OPRK1: variants seen among roughly 807,000 people sequenced by gnomAD.
The protein encoded by OPRK1 is opioid receptor kappa 1.
A neutral mutation model predicts 24.5 loss-of-function variants in OPRK1; 15 were observed. The ratio of observed to expected loss-of-function variants is 0.61; its 90% CI spans 0.41 to 0.94. The LOEUF (loss-of-function observed/expected upper bound fraction) is 0.94, where lower values mean the gene tolerates loss of function less well. Among genes scored for constraint, OPRK1 ranks in the 40% least tolerant of loss-of-function variants. The probability of loss-of-function intolerance (pLI) is 0.00; values close to 1 mark genes in which losing one functional copy is unlikely to be tolerated. For missense variants in OPRK1, 479 were observed against 507.3 expected (o/e 0.94, Z 0.54); for synonymous variants, 205 against 198.0 (o/e 1.04, Z -0.30).
At position 53,236,014 on chromosome 8, in the gene OPRK1, G is replaced by A. The variant is rs189864145; in HGVS notation, c.258-903C>T. 1.3e-4 allele frequency among the ~76,000 whole-genome samples: 20 copies of A among 152,290 alleles called. No individual in the cohort carries two copies. The East Asian group carries it at 3.9e-3, about 29-fold the overall frequency. ...ATAAATGTTCCAAACCATACCATCAGATTTTCAAAGGCCAAGAGCTGAAAT... is the reference window on the plus strand; with the variant it reads ...ATAAATGTTCCAAACCATACCATCAAATTTTCAAAGGCCAAGAGCTGAAAT... On this transcript the variant is annotated intron_variant, in intron 2 of 3. Transcript: ENST00000265572.
Position 53,234,769 on chromosome 8 carries a change from T to A in OPRK1, c.600A>T (p.Lys200Asn), listed in dbSNP as rs146159911. 1 of 1,609,322 alleles carries A rather than the reference T, an allele frequency of 6.2e-7. No individual in the cohort carries two copies. Among genetic ancestry groups the A allele is most frequent in the Non-Finnish European group, 8.5e-7 (1 of 1,175,878 alleles). Residue 200 changes from lysine to asparagine, a missense_variant, in exon 3 of 4, where the codon AAA becomes AAT. Coordinates refer to ENST00000265572, the MANE Select transcript of OPRK1 (RefSeq NM_000912.5). ...AATGACTGCTCTTACCTTCCCTGAC[T>A]TTGGTGCCTCCAAGGACTATTGCAG... is the stretch of plus-strand genomic sequence containing the variant. ...GISAIVLGGT[K>N]VREDVDVIEC...
At chr8:53,245,380 AG>A (rs1807205513) in intron 2 of OPRK1, among the ~76,000 whole-genome samples, 2 of 152,182 alleles carry the variant, frequency 1.3e-5, no homozygotes, top group African/African-American at 4.8e-5. Flanking sequence ...CCGAGGAGAG[AG>A]GCCTCGGGCC....
intron 2 of OPRK1, among the ~76,000 whole-genome samples, chr8:53,250,284 T>C (rs1295877701): frequency 6.6e-6 from 1 of 152,182 alleles, no homozygotes. Context: ...AGGTTTTGTT[T>C]CATAAGCCAA....
Position 53,228,532 on chromosome 8 carries a change from T to C in OPRK1, c.*765A>G, listed in dbSNP as rs200070768. 6.6e-6 allele frequency: 1 copy of C among 152,164 alleles called. No homozygotes were observed. Among genetic ancestry groups the C allele is most frequent in the Non-Finnish European group, 1.5e-5 (1 of 68,020 alleles). 9.4% of individuals were successfully genotyped at this position (152,164 alleles called of 1,614,324 possible). ...ACTATTATTTACAGAAGATACTATA[T>C]ATATATTTTCAGTGGTATTCACACC... On this transcript the variant is annotated 3_prime_UTR_variant, in exon 4 of 4. Coordinates refer to ENST00000265572, the MANE Select transcript of OPRK1 (RefSeq NM_000912.5).
Position 53,247,990 on chromosome 8 carries a change from C to CAAAAAA in OPRK1, c.257+2785_257+2790dup, listed in dbSNP as rs767911838. Among the ~76,000 whole-genome samples, 23 of 32,358 alleles carry CAAAAAA rather than the reference C, an allele frequency of 7.1e-4. 1 individual carries two copies. Among genetic ancestry groups the CAAAAAA allele is most frequent in the African/African-American group, 1.2e-3 (10 of 8,652 alleles). The allele number at this position is 32,358 out of a possible 152,430, so 21.2% of individuals were successfully genotyped here. Reference sequence around the variant, plus strand: ...TGGGCAATAGAGCCAGATTCTGTCTCAAAAAAAAAAAAAAAAAAAAAAAAA... The same window carrying CAAAAAA: ...TGGGCAATAGAGCCAGATTCTGTCTCAAAAAAAAAAAAAAAAAAAAAAAAAAAAAAA... On this transcript the variant is annotated intron_variant, in intron 2 of 3. Transcript: ENST00000265572.
At chr8:53,247,990 CAAAAAAAAAAAAAAAAA>C (rs767911838) in intron 2 of OPRK1, among the ~76,000 whole-genome samples, 4 of 32,344 alleles carry the variant, frequency 1.2e-4, no homozygotes, top group African/African-American at 3.5e-4. Flanking sequence ...GATTCTGTCT[CAAAAAAAAAAAAAAAAA>C]AAAAAAAAAA....
chr8:53,234,535 T>C (rs1806939104), intron 3 of OPRK1, among the ~76,000 whole-genome samples: 1 of 152,158 alleles, frequency 6.6e-6, no homozygotes, highest in Non-Finnish European at 1.5e-5. Flanking sequence ...GGGAGACAGG[T>C]CGGGCATCTC....
At chr8:53,238,317 A>G (rs1048966334) in intron 2 of OPRK1, among the ~76,000 whole-genome samples, 5 of 152,246 alleles carry the variant, frequency 3.3e-5, no homozygotes, top group Non-Finnish European at 7.3e-5. Flanking sequence ...CTGGGTGGGA[A>G]GTTCTGGCTT....
Position 53,234,747 on chromosome 8 carries a change from G to A in OPRK1, c.610+12C>T, listed in dbSNP as rs778185714. Reference sequence around the variant, plus strand: ...TACATTTTTATGAACAGAATGAAATGACTGCTCTTACCTTCCCTGACTTTG... The same window carrying A: ...TACATTTTTATGAACAGAATGAAATAACTGCTCTTACCTTCCCTGACTTTG... On this transcript the variant is annotated intron_variant, in intron 3 of 3. Coordinates refer to ENST00000265572, the MANE Select transcript of OPRK1 (RefSeq NM_000912.5). The A allele has an allele frequency of 1.9e-6, 3 of 1,594,856 alleles. No individual in the cohort carries two copies. The highest frequency in any genetic ancestry group is 2.6e-6 in the Non-Finnish European group (3 of 1,164,198).
At chr8:53,238,511 G>A in intron 2 of OPRK1, 3 of 984,426 alleles carry the variant, frequency 3.0e-6, no homozygotes, top group Non-Finnish European at 3.6e-6. Context: ...CGGGAAAGAG[G>A]GCTTACCTGG....
At chr8:53,233,171 G>A (rs1244266933) in intron 3 of OPRK1, among the ~76,000 whole-genome samples, 1 of 152,164 alleles carries the variant, frequency 6.6e-6, no homozygotes, top group Non-Finnish European at 1.5e-5. Context: ...AAAAAACAAT[G>A]AATAAAGTCA....
At chr8:53,241,304 G>C (rs1807111868) in intron 2 of OPRK1, among the ~76,000 whole-genome samples, 1 of 152,138 alleles carries the variant, frequency 6.6e-6, no homozygotes, top group South Asian at 2.1e-4. Flanking sequence ...TTTTCAGTCA[G>C]TTTCAGTTCA....
chr8:53,246,951 A>C lies in OPRK1; in HGVS notation c.257+3830T>G, dbSNP rs192376640. ...GGACACAGAAAAACTTCTAGGGAGA[A>C]TTAGGGTCAGATATACTTGAAGGTG... is the stretch of plus-strand genomic sequence containing the variant. On this transcript the variant is annotated intron_variant, in intron 2 of 3. Coordinates refer to ENST00000265572, the MANE Select transcript of OPRK1 (RefSeq NM_000912.5). Among the ~76,000 whole-genome samples, 111 of 152,340 alleles carry C rather than the reference A, an allele frequency of 7.3e-4. 2 individuals are homozygous for C. Among genetic ancestry groups the C allele is most frequent in the African/African-American group, 2.4e-3 (100 of 41,582 alleles).
At position 53,250,682 on chromosome 8, in the gene OPRK1, C is replaced by G. The variant is rs186283913; in HGVS notation, c.257+99G>C. ...GATCCTTCACGGAACAGAGTCCCCA[C>G]CACCTGGCTGGCTGCCCCCACTGCT... On this transcript the variant is annotated intron_variant, in intron 2 of 3. Coordinates refer to ENST00000265572, the MANE Select transcript of OPRK1 (RefSeq NM_000912.5). The G allele has an allele frequency of 2.7e-5, 35 of 1,277,670 alleles. No individual in the cohort carries two copies. In the East Asian group the frequency reaches 8.3e-4, roughly 30 times the overall value. 79.1% of individuals were successfully genotyped at this position (1,277,670 alleles called of 1,614,324 possible). A position where few individuals can be genotyped will look rare whatever the true frequency, so the allele number is the denominator to read the frequency against.
At chr8:53,248,069 A>T (rs1331293167) in intron 2 of OPRK1, among the ~76,000 whole-genome samples, 1 of 150,618 alleles carries the variant, frequency 6.6e-6, no homozygotes, top group African/African-American at 2.4e-5. Context: ...ACAAACCCCA[A>T]AGCCTGATGA....
chr8:53,249,035 T>TC (rs1807304015), intron 2 of OPRK1, among the ~76,000 whole-genome samples: 1 of 152,226 alleles, frequency 6.6e-6, no homozygotes, highest in African/African-American at 2.4e-5. Flanking sequence ...TGTCAAATGT[T>TC]CCCCATGGAG....
rs1806784928 is a variant in OPRK1 at position 53,229,056 on chromosome 8, G to A, written c.*241C>T. 6.8e-6 allele frequency: 3 copies of A among 443,246 alleles called. No homozygotes were observed. The South Asian group carries it at 1.1e-4, about 16-fold the overall frequency. 27.5% of individuals were successfully genotyped at this position (443,246 alleles called of 1,614,324 possible). ...TTCCCTTGTTCATCAGAGGAACTGA[G>A]GCTCTGCCTCGCTTCTGTGCCCTAG... is the stretch of plus-strand genomic sequence containing the variant. On this transcript the variant is annotated 3_prime_UTR_variant, in exon 4 of 4. Coordinates refer to ENST00000265572, the MANE Select transcript of OPRK1 (RefSeq NM_000912.5).
intron 2 of OPRK1, chr8:53,238,793 G>C (rs934190142): frequency 2.4e-6 from 2 of 822,230 alleles, no homozygotes; most frequent in East Asian, 2.5e-4. Context: ...ATGCTAGAAA[G>C]GTGGCACTTG....
intron 3 of OPRK1, among the ~76,000 whole-genome samples, chr8:53,231,802 T>C (rs965593063): frequency 8.5e-5 from 13 of 152,100 alleles, no homozygotes; most frequent in African/African-American, 3.1e-4. Context: ...ATTACAGTAG[T>C]TATTATGGAA....
Sources: gnomAD v4.1 joint callset for allele counts (sites outside exome capture counted in the v4.1 genomes callset) on GRCh38, gnomAD v4.1.1 for gene constraint, MANE v1.5 for transcripts, NCBI Gene and HGNC (gene_info 2026-07-23, HGNC 2026-07-21) for gene names.